Variants in PDZD2 observed in about 807,000 individuals in gnomAD.
PDZD2 encodes the protein PDZ domain-containing protein 2.
A neutral mutation model predicts 220.7 loss-of-function variants in PDZD2; 90 were observed. That is an observed-to-expected ratio of 0.41 (90% confidence interval 0.34 to 0.49). The LOEUF (loss-of-function observed/expected upper bound fraction) is 0.49, where lower values mean the gene tolerates loss of function less well. Among genes scored for constraint, PDZD2 ranks in the 20% least tolerant of loss-of-function variants. The pLI, the probability that PDZD2 is intolerant of heterozygous loss-of-function variation, is 0.28. For missense variants in PDZD2, 3,174 were observed against 3,608.5 expected (o/e 0.88, Z 3.08); for synonymous variants, 1,375 against 1,450.5 (o/e 0.95, Z 1.18).
rs905505556 is a variant in PDZD2, at chr5:32,108,379, C to T, written c.*244C>T. 3 of 310,058 alleles carry T rather than the reference C, an allele frequency of 9.7e-6. No individual in the cohort carries two copies. The highest frequency in any genetic ancestry group is 1.8e-5 in the Non-Finnish European group (3 of 170,018). 19.2% of individuals were successfully genotyped at this position (310,058 alleles called of 1,614,324 possible). ...GTTCCTTCGTTCCAGTGCCTGTCCCCTACCTTTATGTTATGTTTACTGATG... is the reference window on the plus strand; with the variant it reads ...GTTCCTTCGTTCCAGTGCCTGTCCCTTACCTTTATGTTATGTTTACTGATG... On this transcript the variant is annotated 3_prime_UTR_variant, in exon 25 of 25. Transcript: ENST00000438447.
chr5:31,755,475 C>G (rs1462894486), intron 1 of PDZD2, among the ~76,000 whole-genome samples: 2 of 152,172 alleles, frequency 1.3e-5, no homozygotes, highest in African/African-American at 2.4e-5. Context: ...TCACCTACAA[C>G]AAAGCTAATC....
chr5:31,934,044 G>T (rs1478453826), intron 2 of PDZD2, among the ~76,000 whole-genome samples: 1 of 152,156 alleles, frequency 6.6e-6, no homozygotes, highest in Non-Finnish European at 1.5e-5. Context: ...TTCGTTGAGA[G>T]AATGGGACAA....
chr5:32,019,580 C>G (rs538469666), intron 6 of PDZD2, among the ~76,000 whole-genome samples: 1 of 152,108 alleles, frequency 6.6e-6, no homozygotes, highest in African/African-American at 2.4e-5. Context: ...TAGGTCTTAC[C>G]GTGTTTTAGA....
chr5:32,050,826 T>A (rs948015000), intron 8 of PDZD2, among the ~76,000 whole-genome samples: 8 of 152,036 alleles, frequency 5.3e-5, no homozygotes, highest in African/African-American at 1.9e-4. Context: ...CTGTCTTAAA[T>A]AAACAAATAA....
intron 2 of PDZD2, among the ~76,000 whole-genome samples, chr5:31,876,753 T>C (rs1490241911): frequency 1.3e-5 from 2 of 152,210 alleles, no homozygotes; most frequent in Non-Finnish European, 2.9e-5. Context: ...TTACATAAAT[T>C]TCCCTGAGTA....
At chr5:31,814,356 A>T (rs1240087332) in intron 2 of PDZD2, among the ~76,000 whole-genome samples, 1 of 152,218 alleles carries the variant, frequency 6.6e-6, no homozygotes, top group Non-Finnish European at 1.5e-5. Flanking sequence ...ACATAATCTC[A>T]AAAGGTCCTG....
chr5:31,758,052 G>A (rs1000170719), intron 1 of PDZD2, among the ~76,000 whole-genome samples: 1 of 152,206 alleles, frequency 6.6e-6, no homozygotes, highest in South Asian at 2.1e-4. Flanking sequence ...TGCCCAGGCC[G>A]GGGCTCATCT....
intron 2 of PDZD2, among the ~76,000 whole-genome samples, chr5:31,850,247 C>A (rs867806753): frequency 1.2e-5 from 1 of 83,600 alleles, no homozygotes; most frequent in African/African-American, 5.1e-5. Context: ...TATATATACA[C>A]ACACACACAC....
intron 24 of PDZD2, 26 bp downstream of exon 24, chr5:32,101,265 C>G: frequency 1.9e-6 from 3 of 1,540,014 alleles, no homozygotes; most frequent in Non-Finnish European, 2.6e-6. Context: ...ACTCAGTCAG[C>G]CTTCTCTCAC....
chr5:31,938,021 A>G (rs960793421), intron 2 of PDZD2, among the ~76,000 whole-genome samples: 13 of 152,234 alleles, frequency 8.5e-5, no homozygotes, highest in Admixed American at 5.9e-4. Flanking sequence ...ATAGTGACCC[A>G]CAAAGCCTAT....
Position 32,052,588 on chromosome 5 carries a change from C to G in PDZD2, c.1666-23C>G, listed in dbSNP as rs749444887. The G allele has an allele frequency of 1.9e-6, 3 of 1,611,542 alleles. 1 individual carries two copies. Among genetic ancestry groups the G allele is most frequent in the South Asian group, 2.2e-5 (2 of 91,032 alleles). On this transcript the variant is annotated intron_variant, in intron 8 of 24. Transcript: ENST00000438447. ...TAGAACAAATGAGAGTAATCTCTGA[C>G]CTTGCCGTGTGCTGACTTTTAGGAA...
chr5:31,891,914 CT>C (rs5867114), intron 2 of PDZD2, among the ~76,000 whole-genome samples: 10 of 150,524 alleles, frequency 6.6e-5, no homozygotes, highest in East Asian at 2.0e-4. Flanking sequence ...GTCATGCCTT[CT>C]TTTTTTTTGC....
intron 1 of PDZD2, among the ~76,000 whole-genome samples, chr5:31,761,960 A>G (rs891469753): frequency 1.5e-4 from 23 of 152,188 alleles, no homozygotes; most frequent in African/African-American, 5.3e-4. Context: ...ACTTACAATT[A>G]TGGCGGAGGG....
At chr5:31,662,109 G>A (rs910832123) in intron 1 of PDZD2, among the ~76,000 whole-genome samples, 6 of 152,032 alleles carry the variant, frequency 3.9e-5, no homozygotes, top group African/African-American at 1.2e-4. Context: ...TTAGGAGTTC[G>A]TGACCAGCCT....
chr5:31,931,551 G>C (rs572546486), intron 2 of PDZD2, among the ~76,000 whole-genome samples: 1 of 152,266 alleles, frequency 6.6e-6, no homozygotes, highest in African/African-American at 2.4e-5. Flanking sequence ...GCTCAGAAGA[G>C]AGATGGAGAT....
chr5:31,786,807 T>C (rs1337375197), intron 1 of PDZD2, among the ~76,000 whole-genome samples: 1 of 152,226 alleles, frequency 6.6e-6, no homozygotes, highest in Non-Finnish European at 1.5e-5. Context: ...AGTGTATTAC[T>C]GGCTCTTATA....
At chr5:31,856,908 CTATATATA>C (rs61675053) in intron 2 of PDZD2, among the ~76,000 whole-genome samples, 28,624 of 140,466 alleles carry the variant, frequency 0.2, 3,280 homozygotes, top group East Asian at 0.39. Context: ...CTTATCAAAA[CTATATATA>C]TATATATATA....
intron 1 of PDZD2, among the ~76,000 whole-genome samples, chr5:31,777,289 G>A (rs564936455): frequency 1.7e-3 from 256 of 152,284 alleles, no homozygotes; most frequent in Middle Eastern, 6.8e-3. Flanking sequence ...CAGCACTGCT[G>A]GCCCGCCCGC....
At chr5:31,797,094 ATTTTTTTTTTTT>A (rs756548601) in intron 1 of PDZD2, among the ~76,000 whole-genome samples, 41 of 66,546 alleles carry the variant, frequency 6.2e-4, no homozygotes, top group African/African-American at 1.2e-3. Context: ...CACCCAGCTA[ATTTTTTTTTTTT>A]TTTTTTTTTT....
Sources: gnomAD v4.1 joint callset for allele counts (sites outside exome capture counted in the v4.1 genomes callset) on GRCh38, gnomAD v4.1.1 for gene constraint, MANE v1.5 for transcripts, NCBI Gene and HGNC (gene_info 2026-07-23, HGNC 2026-07-21) for gene names.